CDH13: variants seen among roughly 807,000 people sequenced by gnomAD.
The protein encoded by CDH13 is cadherin 13.
A neutral mutation model predicts 63.8 loss-of-function variants in CDH13; 24 were observed. The observed-to-expected ratio is 0.38, with a 90% CI of 0.27 to 0.53. The LOEUF (loss-of-function observed/expected upper bound fraction) is 0.53, where lower values mean the gene tolerates loss of function less well. Among genes scored for constraint, CDH13 ranks in the 20% least tolerant of loss-of-function variants. CDH13 has a pLI of 0.85. For synonymous variants in CDH13, 503 were observed against 355.3 expected (o/e 1.42, Z -4.67); for missense variants, 1,049 against 903.1 (o/e 1.16, Z -2.07).
At chr16:82,954,796 A>G (rs1338991254) in intron 2 of CDH13, 1 of 150,750 alleles carries the variant, frequency 6.6e-6, no homozygotes, top group Non-Finnish European at 1.5e-5. Flanking sequence ...ATTTTCCACC[A>G]TTATATCCTC....
chr16:82,992,977 C>CT, intron 2 of CDH13, among the ~76,000 whole-genome samples: 1 of 152,316 alleles, frequency 6.6e-6, no homozygotes, highest in Middle Eastern at 3.4e-3. Context: ...TCAGGATACT[C>CT]TAAGTCTCGT....
chr16:83,378,946 C>A (rs1357049989), intron 6 of CDH13, among the ~76,000 whole-genome samples: 1 of 151,718 alleles, frequency 6.6e-6, no homozygotes, highest in Admixed American at 6.6e-5. Flanking sequence ...ATAATTATTT[C>A]CAAGATAGGT....
At chr16:82,960,918 T>C (rs1003898689) in intron 2 of CDH13, among the ~76,000 whole-genome samples, 1 of 152,242 alleles carries the variant, frequency 6.6e-6, no homozygotes, top group African/African-American at 2.4e-5. Context: ...TGTTTTATAC[T>C]GTGATTTGGA....
At chr16:83,064,054 T>C (rs2031802070) in intron 3 of CDH13, among the ~76,000 whole-genome samples, 1 of 152,246 alleles carries the variant, frequency 6.6e-6, no homozygotes, top group African/African-American at 2.4e-5. Context: ...GCTAAAAATA[T>C]ACACTCTGGA....
chr16:82,926,570 C>G (rs1446703089), intron 2 of CDH13, among the ~76,000 whole-genome samples: 1 of 152,232 alleles, frequency 6.6e-6, no homozygotes, highest in East Asian at 1.9e-4. Flanking sequence ...TTAGGCTTGA[C>G]TTTCTCTAGA....
At chr16:83,397,438 C>T (rs1261716948) in intron 6 of CDH13, 3 of 152,146 alleles carry the variant, frequency 2.0e-5, no homozygotes, top group Admixed American at 2.0e-4. Context: ...GTGACCATCC[C>T]TCTGCTCTGT....
At chr16:82,943,958 T>A (rs1467989839) in intron 2 of CDH13, among the ~76,000 whole-genome samples, 2 of 152,222 alleles carry the variant, frequency 1.3e-5, no homozygotes, top group African/African-American at 4.8e-5. Context: ...GGCAATGTTG[T>A]CCTTGGCATC....
intron 4 of CDH13, among the ~76,000 whole-genome samples, chr16:83,141,055 C>T (rs1448589260): frequency 1.3e-5 from 2 of 152,330 alleles, no homozygotes; most frequent in Admixed American, 1.3e-4. Flanking sequence ...CTTCCTGTTG[C>T]AGAGGAATCC....
chr16:83,645,518 A>G (rs563814541), intron 8 of CDH13, among the ~76,000 whole-genome samples: 2 of 138,352 alleles, frequency 1.4e-5, no homozygotes, highest in East Asian at 2.1e-4. Context: ...ATATACCCAT[A>G]TAACAAACAT....
intron 1 of CDH13, among the ~76,000 whole-genome samples, chr16:82,735,354 A>C (rs1213310957): frequency 1.3e-5 from 2 of 152,218 alleles, no homozygotes; most frequent in African/African-American, 4.8e-5. Flanking sequence ...CAGGGCAGAT[A>C]AGTCCTTGTC....
At chr16:82,721,539 G>T (rs1344848610) in intron 1 of CDH13, among the ~76,000 whole-genome samples, 1 of 152,154 alleles carries the variant, frequency 6.6e-6, no homozygotes, top group Non-Finnish European at 1.5e-5. Context: ...ACGTAGGCAG[G>T]AAGAAAGGTA....
chr16:82,888,570 A>G (rs1188542776), intron 2 of CDH13, among the ~76,000 whole-genome samples: 1 of 152,194 alleles, frequency 6.6e-6, no homozygotes, highest in Non-Finnish European at 1.5e-5. Flanking sequence ...CTGCTCCAGG[A>G]ACTGTTCTCA....
At chr16:83,276,102 A>T (rs1429985593) in intron 5 of CDH13, among the ~76,000 whole-genome samples, 1 of 152,182 alleles carries the variant, frequency 6.6e-6, no homozygotes. Flanking sequence ...GAACAGGCTT[A>T]TGAGGAGCAC....
rs140996417 is a variant in CDH13 at position 83,612,154 on chromosome 16, T to C, written c.1101+9560T>C. ...ATCTATCTATTTCTCCTGTTGGTAC[T>C]ATTAAATTTTTAAAAACTTAATTTG... On this transcript the variant is annotated intron_variant, in intron 8 of 13. Coordinates refer to ENST00000567109, the MANE Select transcript of CDH13 (RefSeq NM_001257.5). Among the ~76,000 whole-genome samples, 924 of 152,232 alleles carry C rather than the reference T, an allele frequency of 6.1e-3. 4 individuals carry two copies. Among genetic ancestry groups the C allele is most frequent in the African/African-American group, 0.021 (856 of 41,574 alleles).
chr16:83,229,067 C>A (rs1255415108), intron 5 of CDH13, among the ~76,000 whole-genome samples: 1 of 152,102 alleles, frequency 6.6e-6, no homozygotes, highest in East Asian at 1.9e-4. Context: ...GGGAGGAGGG[C>A]AGGCCATACC....
chr16:83,404,487 C>T (rs917767772), intron 6 of CDH13, among the ~76,000 whole-genome samples: 1 of 152,164 alleles, frequency 6.6e-6, no homozygotes, highest in African/African-American at 2.4e-5. Context: ...GTGATGCGTG[C>T]AAAATACTTA....
intron 5 of CDH13, among the ~76,000 whole-genome samples, chr16:83,315,892 G>A (rs1335917256): frequency 6.6e-6 from 1 of 152,130 alleles, no homozygotes; most frequent in Admixed American, 6.5e-5. Flanking sequence ...GTTAATATAT[G>A]GGAGTATATA....
intron 9 of CDH13, among the ~76,000 whole-genome samples, chr16:83,671,958 G>T (rs994549850): frequency 6.6e-6 from 1 of 152,206 alleles, no homozygotes; most frequent in Admixed American, 6.5e-5. Flanking sequence ...GTTCTGGGGA[G>T]AGTTTCTGCC....
intron 1 of CDH13, among the ~76,000 whole-genome samples, chr16:82,821,224 C>T (rs977527306): frequency 3.3e-5 from 5 of 152,174 alleles, no homozygotes; most frequent in South Asian, 2.1e-4. Flanking sequence ...TTTAAATTCC[C>T]TATAGGACCA....
Sources: gnomAD v4.1 joint callset for allele counts (sites outside exome capture counted in the v4.1 genomes callset) on GRCh38, gnomAD v4.1.1 for gene constraint, MANE v1.5 for transcripts, NCBI Gene and HGNC (gene_info 2026-07-23, HGNC 2026-07-21) for gene names.